The following NRG3 variants were observed in gnomAD, a reference collection of about 807,000 sequenced individuals.
NRG3 encodes the protein neuregulin 3.
Under a neutral mutation model 66.9 loss-of-function variants are expected in NRG3, and 31 were observed. The observed-to-expected ratio is 0.46, with a 90% confidence interval of 0.35 to 0.63. The LOEUF (loss-of-function observed/expected upper bound fraction) is 0.63, where lower values mean the gene tolerates loss of function less well. Ranked by LOEUF, NRG3 falls within the 20% of genes least tolerant of loss-of-function variation. The pLI is 0.00. For missense variants in NRG3, 910 were observed against 878.9 expected, an observed-to-expected ratio of 1.04 and a Z score of -0.45; for synonymous variants, 393 against 359.4, an observed-to-expected ratio of 1.09 and a Z score of -1.06.
rs146139746 is a variant in NRG3 at position 82,631,499 on chromosome 10, T to G, written c.954-107078T>G. Among the ~76,000 whole-genome samples, 162 of 152,166 alleles carry G rather than the reference T, an allele frequency of 1.1e-3. 2 individuals carry two copies. The highest frequency in any genetic ancestry group is 3.7e-3 in the African/African-American group (154 of 41,542). ...AGTAATGATAAAATTTACTAAGTCT[T>G]TCAGGCAATGTTTAAAATTTGTGCC... On this transcript the variant is annotated intron_variant, in intron 2 of 8. Coordinates refer to ENST00000372141, the MANE Select transcript of NRG3 (RefSeq NM_001010848.4).
intron 2 of NRG3, among the ~76,000 whole-genome samples, chr10:82,578,487 A>T (rs933162955): frequency 4.6e-5 from 7 of 151,418 alleles, no homozygotes; most frequent in African/African-American, 1.7e-4. Flanking sequence ...AAAAACAGGT[A>T]ATGTGCCAGA....
chr10:82,117,678 A>G (rs2067813729), intron 1 of NRG3, among the ~76,000 whole-genome samples: 2 of 152,080 alleles, frequency 1.3e-5, no homozygotes, highest in Admixed American at 1.3e-4. Context: ...CATTGCCCAG[A>G]GTGTCTTGTG....
At chr10:82,126,638 C>A (rs531968390) in intron 1 of NRG3, among the ~76,000 whole-genome samples, 3 of 152,154 alleles carry the variant, frequency 2.0e-5, no homozygotes, top group African/African-American at 7.2e-5. Flanking sequence ...TTAATTTCTC[C>A]TTTGGCCGCT....
intron 1 of NRG3, among the ~76,000 whole-genome samples, chr10:81,988,048 G>A (rs1456596592): frequency 1.3e-5 from 2 of 152,186 alleles, no homozygotes; most frequent in East Asian, 1.9e-4. Flanking sequence ...TAATATTTGG[G>A]TTAAAATGGC....
intron 1 of NRG3, among the ~76,000 whole-genome samples, chr10:82,091,143 G>A (rs1001693962): frequency 1.3e-5 from 2 of 151,614 alleles, no homozygotes; most frequent in African/African-American, 2.4e-5. Context: ...TAAAAATTGT[G>A]ATAAGATATA....
At chr10:82,957,273 T>G (rs1466314627) in intron 5 of NRG3, among the ~76,000 whole-genome samples, 3 of 151,882 alleles carry the variant, frequency 2.0e-5, no homozygotes, top group Non-Finnish European at 4.4e-5. Context: ...TAGGAAATTA[T>G]TAGGGTAGCA....
chr10:82,450,474 T>A (rs1343297917), intron 2 of NRG3, among the ~76,000 whole-genome samples: 2 of 152,190 alleles, frequency 1.3e-5, no homozygotes, highest in Non-Finnish European at 2.9e-5. Flanking sequence ...ATGCTTTATA[T>A]AATAAACCAA....
chr10:82,037,553 C>T (rs552678566), intron 1 of NRG3, among the ~76,000 whole-genome samples: 16 of 152,216 alleles, frequency 1.1e-4, no homozygotes, highest in South Asian at 8.3e-4. Context: ...TGCTTTCAAA[C>T]GGTTTGAAAA....
chr10:82,968,609 G>A (rs1387162771), intron 6 of NRG3, among the ~76,000 whole-genome samples: 1 of 145,090 alleles, frequency 6.9e-6, no homozygotes, highest in Non-Finnish European at 1.5e-5. Flanking sequence ...TGAACTAATG[G>A]TACAAAAGAT....
At chr10:81,894,575 A>T (rs988396007) in intron 1 of NRG3, among the ~76,000 whole-genome samples, 6 of 152,216 alleles carry the variant, frequency 3.9e-5, no homozygotes, top group Admixed American at 2.6e-4. Context: ...TCGACATATG[A>T]ATGGGGGGAC....
chr10:82,929,425 A>G (rs930627578), intron 4 of NRG3, among the ~76,000 whole-genome samples: 2 of 152,210 alleles, frequency 1.3e-5, no homozygotes, highest in African/African-American at 2.4e-5. Flanking sequence ...TATAAGATTT[A>G]TCTTTCCGAG....
At chr10:82,722,782 G>A (rs143053446) in intron 2 of NRG3, among the ~76,000 whole-genome samples, 2,448 of 152,124 alleles carry the variant, frequency 0.016, 35 homozygotes, top group Non-Finnish European at 0.025. Flanking sequence ...CATTTACTCC[G>A]CACCCCACTT....
At chr10:82,339,907 G>C (rs2082592018) in intron 1 of NRG3, among the ~76,000 whole-genome samples, 1 of 151,952 alleles carries the variant, frequency 6.6e-6, no homozygotes. Context: ...CTAGGGTGGG[G>C]GCTGGAGATA....
chr10:82,784,894 A>G (rs1395970152), intron 3 of NRG3, among the ~76,000 whole-genome samples: 1 of 152,194 alleles, frequency 6.6e-6, no homozygotes, highest in Non-Finnish European at 1.5e-5. Context: ...TGCTATAAAG[A>G]CACATGCACA....
chr10:81,960,666 A>G (rs1293315344), intron 1 of NRG3, among the ~76,000 whole-genome samples: 1 of 151,262 alleles, frequency 6.6e-6, no homozygotes, highest in African/African-American at 2.4e-5. Flanking sequence ...CTGGTTAAAG[A>G]GACATACGAG....
chr10:82,710,842 A>C (rs1014670848), intron 2 of NRG3, among the ~76,000 whole-genome samples: 1 of 152,040 alleles, frequency 6.6e-6, no homozygotes, highest in African/African-American at 2.4e-5. Context: ...AAAAGTAAAA[A>C]CATTTTGTTT....
At chr10:82,716,940 A>G (rs1289743602) in intron 2 of NRG3, among the ~76,000 whole-genome samples, 4 of 152,196 alleles carry the variant, frequency 2.6e-5, no homozygotes, top group East Asian at 1.9e-4. Context: ...TTTAATATAC[A>G]TTTTACTGAG....
intron 1 of NRG3, among the ~76,000 whole-genome samples, chr10:82,296,198 G>T (rs535824934): frequency 6.6e-6 from 1 of 152,270 alleles, no homozygotes; most frequent in East Asian, 1.9e-4. Flanking sequence ...AAGTCAGTGT[G>T]GCCGCAGCTC....
intron 4 of NRG3, among the ~76,000 whole-genome samples, chr10:82,883,456 A>C (rs1591823009): frequency 2.0e-5 from 3 of 152,154 alleles, no homozygotes; most frequent in Non-Finnish European, 4.4e-5. Flanking sequence ...TCTTTTAATT[A>C]CTAGAATTTG....
Sources: gnomAD v4.1 joint callset for allele counts (sites outside exome capture counted in the v4.1 genomes callset) on GRCh38, gnomAD v4.1.1 for gene constraint, MANE v1.5 for transcripts, NCBI Gene and HGNC (gene_info 2026-07-23, HGNC 2026-07-21) for gene names.